The following SEMA3D variants were observed in gnomAD, a reference collection of about 807,000 sequenced individuals.
SEMA3D encodes semaphorin-3D.
A neutral mutation model predicts 100.1 loss-of-function variants in SEMA3D; 84 were observed. The ratio of observed to expected loss-of-function variants is 0.84; its 90% CI spans 0.70 to 1.01. SEMA3D has a LOEUF of 1.01. Ranked by LOEUF, SEMA3D falls within the 50% of genes least tolerant of loss-of-function variation. SEMA3D has a pLI of 0.00. For synonymous variants in SEMA3D, 312 were observed against 320.7 expected, an observed-to-expected ratio of 0.97 and a Z score of 0.29; for missense variants, 875 against 934.1, an observed-to-expected ratio of 0.94 and a Z score of 0.82.
chr7:85,181,274 G>A (rs1220168182), intron 1 of SEMA3D, among the ~76,000 whole-genome samples: 2 of 151,448 alleles, frequency 1.3e-5, no homozygotes, highest in East Asian at 3.9e-4. Flanking sequence ...GGATCAGGGT[G>A]AGCCTACAGC....
At chr7:85,177,239 G>A (rs977093274) in intron 1 of SEMA3D, among the ~76,000 whole-genome samples, 6 of 152,100 alleles carry the variant, frequency 3.9e-5, no homozygotes, top group African/African-American at 1.4e-4. Flanking sequence ...TAGTAAGATG[G>A]TAGCCATATT....
At chr7:85,008,274 C>T (rs997060847) in intron 17 of SEMA3D, among the ~76,000 whole-genome samples, 1 of 151,710 alleles carries the variant, frequency 6.6e-6, no homozygotes, top group Non-Finnish European at 1.5e-5. Context: ...ATTAGACTGA[C>T]TTAACCAAAG....
At chr7:85,151,598 CGTGTGTGTGTGT>C (rs57024733) in intron 2 of SEMA3D, 47 of 850,714 alleles carry the variant, frequency 5.5e-5, no homozygotes, top group South Asian at 1.1e-4. Context: ...TGTGTGTATG[CGTGTGTGTGTGT>C]GTGTGTGTGT....
chr7:85,044,728 T>C (rs1425160421), intron 9 of SEMA3D, among the ~76,000 whole-genome samples: 1 of 152,102 alleles, frequency 6.6e-6, no homozygotes, highest in Non-Finnish European at 1.5e-5. Context: ...ACATAATAGA[T>C]ACACAGTAGT....
At chr7:85,002,910 A>G (rs1200357891) in intron 18 of SEMA3D, among the ~76,000 whole-genome samples, 1 of 152,148 alleles carries the variant, frequency 6.6e-6, no homozygotes, top group East Asian at 1.9e-4. Flanking sequence ...GCCTAATAGT[A>G]GTTCTTTTAC....
intron 17 of SEMA3D, among the ~76,000 whole-genome samples, chr7:85,008,825 T>C (rs1238168444): frequency 6.6e-6 from 1 of 151,798 alleles, no homozygotes; most frequent in East Asian, 1.9e-4. Context: ...ACCTTTACTT[T>C]CTTATGGTAC....
chr7:85,076,530 T>C (rs1791927561), intron 5 of SEMA3D, among the ~76,000 whole-genome samples: 1 of 152,138 alleles, frequency 6.6e-6, no homozygotes, highest in South Asian at 2.1e-4. Flanking sequence ...TCTCAAGACA[T>C]ATGTAGGGTC....
chr7:85,241,467 G>GTGTGTA, the SEMA3D span, among the ~76,000 whole-genome samples: 2,984 of 91,974 alleles, frequency 0.032, 135 homozygotes, highest in Non-Finnish European at 0.044. Flanking sequence ...CTGTGTGTGT[G>GTGTGTA]TATATATATA....
the SEMA3D span, among the ~76,000 whole-genome samples, chr7:85,247,416 A>G: frequency 6.6e-6 from 1 of 152,150 alleles, no homozygotes; most frequent in South Asian, 2.1e-4. Context: ...GTGGTCTTAG[A>G]GTGAGGAAGA....
Position 84,998,513 on chromosome 7 carries a change from C to T in SEMA3D, c.*927G>A, listed in dbSNP as rs1021659420. On this transcript the variant is annotated 3_prime_UTR_variant, in exon 19 of 19. Transcript: ENST00000284136. The stretch of plus-strand genomic sequence containing the variant: ...TAGTGAAAAGAGCTCCATTACATTA[C>T]TCTCACTTTATTTGTGATTGTTCTT... 2 of 152,000 alleles carry T rather than the reference C, an allele frequency of 1.3e-5. No individual in the cohort carries two copies. The highest frequency in any genetic ancestry group is 4.8e-5 in the African/African-American group (2 of 41,384). 9.4% of individuals were successfully genotyped at this position (152,000 alleles called of 1,614,324 possible). A position where few individuals can be genotyped will look rare whatever the true frequency, so the allele number is the denominator to read the frequency against.
chr7:85,036,042 A>T (rs889648091), intron 12 of SEMA3D, among the ~76,000 whole-genome samples: 4 of 152,114 alleles, frequency 2.6e-5, no homozygotes, highest in Non-Finnish European at 5.9e-5. Context: ...TAAAACTTGA[A>T]GAGTTAAGTC....
chr7:85,143,028 T>A (rs972442326), intron 2 of SEMA3D: 7 of 948,976 alleles, frequency 7.4e-6, no homozygotes, highest in Non-Finnish European at 2.5e-6. Flanking sequence ...ATGGCTTTCA[T>A]ATGTTTACTC....
intron 10 of SEMA3D, chr7:85,041,346 C>A (rs1272740302): frequency 6.6e-6 from 1 of 152,080 alleles, no homozygotes; most frequent in East Asian, 1.9e-4. Context: ...CAGGTGTGAG[C>A]CACCACACCT....
intron 1 of SEMA3D, among the ~76,000 whole-genome samples, chr7:85,169,014 T>A (rs191708984): frequency 7.1e-4 from 108 of 151,812 alleles, no homozygotes; most frequent in South Asian, 4.4e-3. Flanking sequence ...TTTTTTATTC[T>A]GAAATACTAT....
At chr7:85,221,337 T>G in the SEMA3D span, among the ~76,000 whole-genome samples, 1 of 152,078 alleles carries the variant, frequency 6.6e-6, no homozygotes, top group Non-Finnish European at 1.5e-5. Flanking sequence ...AGAAACTGCA[T>G]CTTTTTAAAG....
chr7:85,006,972 C>T (rs1789816094), intron 17 of SEMA3D, 31 bp from the exon 18 acceptor site: 2 of 1,575,744 alleles, frequency 1.3e-6, no homozygotes, highest in Non-Finnish European at 8.6e-7. Flanking sequence ...AAGAGATTAA[C>T]CTTGACCTGA....
At chr7:85,167,354 T>C (rs140321636) in intron 1 of SEMA3D, 22,735 of 983,682 alleles carry the variant, frequency 0.023, 287 homozygotes, top group Middle Eastern at 0.028. Context: ...ATAAAGCATT[T>C]CAACGGGAAT....
the SEMA3D span, among the ~76,000 whole-genome samples, chr7:85,236,448 C>T: frequency 6.6e-6 from 1 of 151,716 alleles, no homozygotes; most frequent in African/African-American, 2.4e-5. Flanking sequence ...GCTGGGACTA[C>T]AGGCACGAGC....
chr7:85,211,107 T>C, the SEMA3D span, among the ~76,000 whole-genome samples: 4 of 152,076 alleles, frequency 2.6e-5, 1 homozygote, highest in South Asian at 4.1e-4. Context: ...TAGTGTCTTA[T>C]ACGGAGCAAT....
Sources: gnomAD v4.1 joint callset for allele counts (sites outside exome capture counted in the v4.1 genomes callset) on GRCh38, gnomAD v4.1.1 for gene constraint, MANE v1.5 for transcripts, NCBI Gene and HGNC (gene_info 2026-07-23, HGNC 2026-07-21) for gene names.